MYO3A: variants seen among roughly 807,000 people sequenced by gnomAD.
The protein encoded by MYO3A is myosin-IIIa.
MYO3A carries 180 observed loss-of-function variants against 192.7 expected under a neutral mutation model. That is an observed-to-expected ratio of 0.93 (90% CI 0.83 to 1.06). The LOEUF (loss-of-function observed/expected upper bound fraction) is 1.06, where lower values mean the gene tolerates loss of function less well. MYO3A is among the 50% of genes least tolerant of loss of function. The pLI, the probability that MYO3A is intolerant of heterozygous loss-of-function variation, is 0.00. For synonymous variants in MYO3A, 628 were observed against 645.3 expected (o/e 0.97, Z 0.41); for missense variants, 1,896 against 1,905.0 (o/e 1.00, Z 0.09).
Position 26,212,220 on chromosome 10 carries a change from G to A in MYO3A, c.*257G>A. The A allele has an allele frequency of 7.7e-6, 4 of 520,826 alleles. No homozygotes were observed. The highest frequency in any genetic ancestry group is 3.6e-5 in the South Asian group (1 of 27,456). 32.3% of individuals were successfully genotyped at this position (520,826 alleles called of 1,614,324 possible). A position where few individuals can be genotyped will look rare whatever the true frequency, so the allele number is the denominator to read the frequency against. The stretch of plus-strand genomic sequence containing the variant: ...CCGCACCCTCCTTTCTCACCAGCCC[G>A]CCAGTTGTGGCAACCCTGTCCTTGT... On this transcript the variant is annotated 3_prime_UTR_variant, in exon 35 of 35. Coordinates refer to ENST00000642920, the MANE Select transcript of MYO3A (RefSeq NM_017433.5).
intron 15 of MYO3A, among the ~76,000 whole-genome samples, chr10:26,093,031 CATTAAT>C (rs1199929368): frequency 6.6e-6 from 1 of 152,074 alleles, no homozygotes; most frequent in Non-Finnish European, 1.5e-5. Context: ...AAGAGAAATC[CATTAAT>C]ATTGTTTGTC....
intron 4 of MYO3A, among the ~76,000 whole-genome samples, chr10:25,984,248 T>C (rs1839508699): frequency 6.6e-6 from 1 of 152,196 alleles, no homozygotes; most frequent in South Asian, 2.1e-4. Context: ...ATCAATAGAA[T>C]AGTACCTCAC....
At chr10:25,996,657 C>T (rs1251070851) in intron 5 of MYO3A, 63 bp downstream of exon 5, 1 of 1,358,592 alleles carries the variant, frequency 7.4e-7, no homozygotes, top group African/African-American at 1.4e-5. Flanking sequence ...AAATGTAGAT[C>T]CTATTTTTAG....
At chr10:26,203,421 A>T (rs905955715) in intron 34 of MYO3A, among the ~76,000 whole-genome samples, 8 of 152,152 alleles carry the variant, frequency 5.3e-5, no homozygotes, top group African/African-American at 1.9e-4. Flanking sequence ...ATTGTAAGCA[A>T]TATATCATAT....
chr10:26,175,434 G>T (rs941494988), intron 30 of MYO3A, among the ~76,000 whole-genome samples: 2 of 152,156 alleles, frequency 1.3e-5, no homozygotes, highest in Non-Finnish European at 2.9e-5. Context: ...AATTTCCAGG[G>T]TAATCAATGG....
At chr10:26,100,707 T>G (rs1353897736) in intron 17 of MYO3A, among the ~76,000 whole-genome samples, 1 of 152,210 alleles carries the variant, frequency 6.6e-6, no homozygotes, top group Non-Finnish European at 1.5e-5. Flanking sequence ...TGAGTGGTTT[T>G]GGGTGAGTTT....
At chr10:26,015,472 CTATCTTAGCTATTTTTCTTGTGGGAATTT>C (rs1280453433) in intron 6 of MYO3A, among the ~76,000 whole-genome samples, 4 of 152,034 alleles carry the variant, frequency 2.6e-5, no homozygotes, top group African/African-American at 9.7e-5. Flanking sequence ...TTGCATTTTT[CTATCTTAGCTATTTTTCTTGTGGGAATTT>C]ACACTAAGTA....
chr10:26,140,811 A>G (rs943679849), intron 20 of MYO3A, among the ~76,000 whole-genome samples: 1 of 152,182 alleles, frequency 6.6e-6, no homozygotes, highest in Non-Finnish European at 1.5e-5. Context: ...CTATTTTCAA[A>G]AGGGAACTCA....
rs1407760537 is a variant in MYO3A, at chr10:26,107,208, G to A, written c.1776+10526G>A. Among the ~76,000 whole-genome samples the A allele has an allele frequency of 3.3e-5, 5 of 152,052 alleles. No homozygotes were observed. In the South Asian group the frequency reaches 6.2e-4, roughly 19 times the overall value. On this transcript the variant is annotated intron_variant, in intron 17 of 34. Coordinates refer to ENST00000642920, the MANE Select transcript of MYO3A (RefSeq NM_017433.5). ...CTTAAATAAAGATTAGAGGCTGGGC[G>A]CAGTGGCTCACGCCTGTAATCCCAG...
intron 20 of MYO3A, among the ~76,000 whole-genome samples, chr10:26,140,970 C>G (rs896558571): frequency 1.3e-5 from 2 of 152,084 alleles, no homozygotes; most frequent in Non-Finnish European, 2.9e-5. Flanking sequence ...CTCTGTCGCC[C>G]AGGCTGGAGT....
chr10:26,037,428 C>T (rs143170363), intron 10 of MYO3A, among the ~76,000 whole-genome samples: 1 of 152,118 alleles, frequency 6.6e-6, no homozygotes, highest in Admixed American at 6.5e-5. Flanking sequence ...ATTGGAGAAC[C>T]AATTAACATG....
intron 31 of MYO3A, among the ~76,000 whole-genome samples, chr10:26,179,023 G>T (rs572052276): frequency 6.7e-6 from 1 of 149,734 alleles, no homozygotes; most frequent in Admixed American, 6.7e-5. Context: ...GGGTGGTCTC[G>T]ATCCGACCCT....
chr10:26,112,065 T>A (rs1255739260), intron 17 of MYO3A, among the ~76,000 whole-genome samples: 1 of 152,220 alleles, frequency 6.6e-6, no homozygotes, highest in African/African-American at 2.4e-5. Flanking sequence ...CTACTTTCTC[T>A]TGCTTGGTTT....
intron 4 of MYO3A, among the ~76,000 whole-genome samples, chr10:25,961,547 ATC>A (rs1403218405): frequency 1.3e-5 from 2 of 152,132 alleles, no homozygotes; most frequent in African/African-American, 4.8e-5. Flanking sequence ...TATTGGAAAT[ATC>A]TCTAAATGAC....
At chr10:25,998,298 T>C (rs1179989489) in intron 6 of MYO3A, among the ~76,000 whole-genome samples, 4 of 152,200 alleles carry the variant, frequency 2.6e-5, no homozygotes, top group African/African-American at 9.6e-5. Flanking sequence ...ATTTTTAAAA[T>C]TTCTTTAATA....
intron 26 of MYO3A, 132 bp downstream of exon 26, chr10:26,157,647 T>A: frequency 1.0e-6 from 1 of 979,130 alleles, no homozygotes. Context: ...CAAATGATTA[T>A]GTGTTGAAAA....
chr10:26,202,942 G>A lies in MYO3A; in HGVS notation c.4587-22G>A, dbSNP rs186545427. On this transcript the variant is annotated intron_variant, in intron 33 of 34. Transcript: ENST00000642920. ...TAGAAAATTAGATTGATGCAATGGT[G>A]TGTTTATGTGTTCATTTACAGTCAG... 50 of 1,612,460 alleles carry A rather than the reference G, an allele frequency of 3.1e-5. No homozygotes were observed. The Admixed American group carries it at 8.2e-4, about 26-fold the overall frequency.
chr10:26,000,447 G>A (rs1309703548), intron 6 of MYO3A, among the ~76,000 whole-genome samples: 1 of 151,836 alleles, frequency 6.6e-6, no homozygotes, highest in East Asian at 1.9e-4. Context: ...AATGCAAATT[G>A]CAAAAAAAAT....
chr10:25,967,914 T>C (rs2130706283), intron 4 of MYO3A, among the ~76,000 whole-genome samples: 1 of 152,254 alleles, frequency 6.6e-6, no homozygotes, highest in Non-Finnish European at 1.5e-5. Context: ...GTTATCAAAA[T>C]AAGGCTGGAG....
Sources: allele counts gnomAD v4.1 joint callset (sites outside exome capture counted in the v4.1 genomes callset), GRCh38; gene constraint gnomAD v4.1.1; transcripts MANE v1.5; gene names NCBI Gene and HGNC (gene_info 2026-07-23, HGNC 2026-07-21).